Variants in LRP1B observed in about 807,000 individuals in gnomAD.
LRP1B encodes the protein LDL receptor related protein 1B.
LRP1B carries 217 observed loss-of-function variants against 556.6 expected under a neutral mutation model. The ratio of observed to expected loss-of-function variants is 0.39; its 90% CI spans 0.35 to 0.44. LRP1B has a LOEUF of 0.44. Ranked by LOEUF, LRP1B falls within the 20% of genes least tolerant of loss-of-function variation. The pLI is 1.00. For missense variants in LRP1B, 5,053 were observed against 5,620.8 expected (o/e 0.90, Z 3.23); for synonymous variants, 2,047 against 1,865.8 (o/e 1.10, Z -2.50).
chr2:140,475,023 G>A, intron 60 of LRP1B, 115 bp downstream of exon 60: 1 of 405,876 alleles, frequency 2.5e-6, no homozygotes. Flanking sequence ...GTATAATAAT[G>A]TAACCTTAAA....
chr2:141,485,623 A>G (rs1464430031), intron 2 of LRP1B, among the ~76,000 whole-genome samples: 1 of 152,130 alleles, frequency 6.6e-6, no homozygotes, highest in Non-Finnish European at 1.5e-5. Context: ...GGATTACTCT[A>G]TCCTAATTCC....
At chr2:141,010,519 G>C (rs1314721305) in intron 14 of LRP1B, among the ~76,000 whole-genome samples, 2 of 151,598 alleles carry the variant, frequency 1.3e-5, no homozygotes, top group African/African-American at 4.8e-5. Context: ...AATTTGACAA[G>C]TCTCTTTTTT....
At chr2:141,706,044 A>T (rs1045999470) in intron 2 of LRP1B, among the ~76,000 whole-genome samples, 2 of 152,042 alleles carry the variant, frequency 1.3e-5, no homozygotes, top group African/African-American at 4.8e-5. Context: ...GGAAACATTC[A>T]TGCTTCCATT....
chr2:141,582,827 C>CTTTTTTT (rs869158175), intron 2 of LRP1B, among the ~76,000 whole-genome samples: 1 of 71,750 alleles, frequency 1.4e-5, no homozygotes, highest in Non-Finnish European at 2.4e-5. Context: ...ACCTATTAAA[C>CTTTTTTT]TTTTTTTTTT....
chr2:140,318,394 G>A (rs973847592), intron 82 of LRP1B, among the ~76,000 whole-genome samples: 1 of 152,042 alleles, frequency 6.6e-6, no homozygotes, highest in Non-Finnish European at 1.5e-5. Context: ...AGGGTTGAAA[G>A]AGCAAAACAC....
chr2:140,470,137 G>A (rs919830728), intron 60 of LRP1B, among the ~76,000 whole-genome samples: 2 of 152,154 alleles, frequency 1.3e-5, no homozygotes, highest in Non-Finnish European at 2.9e-5. Flanking sequence ...ATGCTCAAGA[G>A]TATAGGTTTT....
intron 1 of LRP1B, among the ~76,000 whole-genome samples, chr2:142,020,346 A>G (rs1703290513): frequency 6.6e-6 from 1 of 152,164 alleles, no homozygotes; most frequent in Admixed American, 6.5e-5. Context: ...GTACACAGAG[A>G]AGAGTTTTGG....
intron 60 of LRP1B, among the ~76,000 whole-genome samples, chr2:140,467,652 G>C (rs1456854483): frequency 6.6e-6 from 1 of 151,190 alleles, no homozygotes; most frequent in Admixed American, 6.6e-5. Flanking sequence ...AGGTGGAGGT[G>C]GAGGCTTTGA....
chr2:140,985,648 G>A lies in LRP1B; in HGVS notation c.2771-3372C>T, dbSNP rs1696898107. Reference sequence around the variant, plus strand: ...GTGTCCACTTGCTCCAGCCCACTGTGTATGTGCTGTTTCCTCTTCTGGGCA... The same window carrying A: ...GTGTCCACTTGCTCCAGCCCACTGTATATGTGCTGTTTCCTCTTCTGGGCA... On this transcript the variant is annotated intron_variant, in intron 17 of 90. Transcript: ENST00000389484. 3.3e-5 allele frequency among the ~76,000 whole-genome samples: 5 copies of A among 152,000 alleles called. No homozygotes were observed. The South Asian group carries it at 1.0e-3, about 32-fold the overall frequency.
At chr2:141,821,759 C>T (rs1553469296) in intron 1 of LRP1B, among the ~76,000 whole-genome samples, 1 of 152,048 alleles carries the variant, frequency 6.6e-6, no homozygotes, top group Non-Finnish European at 1.5e-5. Flanking sequence ...CCTTATTAAG[C>T]ACCAAGTGTT....
intron 32 of LRP1B, among the ~76,000 whole-genome samples, chr2:140,787,607 G>A (rs1573718540): frequency 1.2e-5 from 1 of 82,074 alleles, no homozygotes; most frequent in African/African-American, 5.0e-5. Flanking sequence ...TTCTCATTCT[G>A]TCATTCAGGC....
rs1216708430 is a variant in LRP1B, at chr2:140,748,812, T to G, written c.5758+20401A>C. The stretch of plus-strand genomic sequence containing the variant: ...ATATATTATATACATATTATATACA[T>G]GTATATAATATATATCATATATTAT... On this transcript the variant is annotated intron_variant, in intron 35 of 90. Coordinates refer to ENST00000389484, the MANE Select transcript of LRP1B (RefSeq NM_018557.3). Among the ~76,000 whole-genome samples, 4 of 97,746 alleles carry G rather than the reference T, an allele frequency of 4.1e-5. 1 individual carries two copies. In the East Asian group the frequency reaches 7.4e-4, roughly 18 times the overall value. The allele number at this position is 97,746 out of a possible 152,430, so 64.1% of individuals were successfully genotyped here.
intron 5 of LRP1B, among the ~76,000 whole-genome samples, chr2:141,242,680 T>G (rs1180671431): frequency 2.6e-5 from 4 of 152,124 alleles, no homozygotes; most frequent in Non-Finnish European, 5.9e-5. Context: ...CACCATTCGA[T>G]GCACTGACAA....
Position 141,290,041 on chromosome 2 carries a change from C to T in LRP1B, c.344-35400G>A, listed in dbSNP as rs377274322. On this transcript the variant is annotated intron_variant, in intron 3 of 90. Transcript: ENST00000389484. ...TAAATTTGTACTAGTTCTCAAACTT[C>T]ACAAGTAAAGGAATCAGAATTCAGG... Among the ~76,000 whole-genome samples the T allele has an allele frequency of 3.3e-5, 5 of 152,196 alleles. No homozygotes were observed. In the East Asian group the frequency reaches 7.7e-4, roughly 24 times the overall value.
At chr2:140,731,522 A>G (rs999021016) in intron 35 of LRP1B, among the ~76,000 whole-genome samples, 43 of 152,062 alleles carry the variant, frequency 2.8e-4, no homozygotes, top group Non-Finnish European at 2.9e-5. Context: ...TTAAATAAGC[A>G]ATTTTGCAAG....
chr2:140,373,436 T>C (rs1683081004), intron 68 of LRP1B, among the ~76,000 whole-genome samples: 1 of 152,090 alleles, frequency 6.6e-6, no homozygotes, highest in Non-Finnish European at 1.5e-5. Context: ...AACAGAATTA[T>C]AACAATTTTC....
chr2:141,463,620 T>TTATATATTATATATA (rs1559084072), intron 3 of LRP1B, among the ~76,000 whole-genome samples: 12 of 65,798 alleles, frequency 1.8e-4, no homozygotes, highest in Admixed American at 1.3e-3. Context: ...TATAATTATG[T>TTATATATTATATATA]ATTATATATT....
chr2:140,469,355 T>C (rs574344796), intron 60 of LRP1B, among the ~76,000 whole-genome samples: 17 of 152,262 alleles, frequency 1.1e-4, no homozygotes, highest in African/African-American at 4.1e-4. Context: ...AGTGAGCCCT[T>C]TACTAGACAC....
chr2:140,638,388 A>C (rs1684150705), intron 41 of LRP1B, among the ~76,000 whole-genome samples: 1 of 152,266 alleles, frequency 6.6e-6, no homozygotes, highest in South Asian at 2.1e-4. Flanking sequence ...CAAGCCATAG[A>C]CAATTCAGGT....
Sources: gnomAD v4.1 joint callset for allele counts (sites outside exome capture counted in the v4.1 genomes callset) on GRCh38, gnomAD v4.1.1 for gene constraint, MANE v1.5 for transcripts, NCBI Gene and HGNC (gene_info 2026-07-23, HGNC 2026-07-21) for gene names.